The following STXBP6 variants were observed in gnomAD, a reference collection of about 807,000 sequenced individuals.
The protein encoded by STXBP6 is syntaxin-binding protein 6.
STXBP6 carries 21 observed loss-of-function variants against 26.9 expected under a neutral mutation model. The ratio of observed to expected loss-of-function variants is 0.78; its 90% CI spans 0.55 to 1.12. The LOEUF (loss-of-function observed/expected upper bound fraction) is 1.12. Among genes scored for constraint, STXBP6 ranks in the 50% most tolerant of loss-of-function variants. The pLI is 0.00. For missense variants in STXBP6, 232 were observed against 257.9 expected, an observed-to-expected ratio of 0.90 and a Z score of 0.69; for synonymous variants, 97 against 92.6, an observed-to-expected ratio of 1.05 and a Z score of -0.27.
intron 4 of STXBP6, among the ~76,000 whole-genome samples, chr14:24,839,136 C>T (rs1204812728): frequency 1.3e-5 from 2 of 152,110 alleles, no homozygotes; most frequent in Non-Finnish European, 2.9e-5. Context: ...GTTGCATTGT[C>T]TGTCCCCGCC....
chr14:24,847,577 A>T (rs1010948781), intron 4 of STXBP6, among the ~76,000 whole-genome samples: 1 of 152,204 alleles, frequency 6.6e-6, no homozygotes, highest in Non-Finnish European at 1.5e-5. Context: ...AGCATAATGC[A>T]GAATGCCTTT....
intron 2 of STXBP6, among the ~76,000 whole-genome samples, chr14:24,927,205 C>T (rs757957869): frequency 7.9e-5 from 12 of 152,138 alleles, no homozygotes; most frequent in South Asian, 2.1e-4. Context: ...AGGACTGATG[C>T]GTTGTGAGAG....
chr14:24,824,225 A>G (rs1180153865), intron 4 of STXBP6, among the ~76,000 whole-genome samples: 1 of 152,170 alleles, frequency 6.6e-6, no homozygotes, highest in Non-Finnish European at 1.5e-5. Context: ...GCTCCCTGAC[A>G]GCCTGGTCTC....
chr14:24,878,758 C>G, intron 2 of STXBP6: 1 of 450,464 alleles, frequency 2.2e-6, no homozygotes, highest in Non-Finnish European at 4.5e-6. Flanking sequence ...TCCTCATTAG[C>G]TGGTCTTCTC....
At chr14:24,947,804 T>C (rs113407438) in intron 2 of STXBP6, among the ~76,000 whole-genome samples, 154 of 152,330 alleles carry the variant, frequency 1.0e-3, no homozygotes, top group African/African-American at 3.6e-3. Context: ...AACAGTCTTC[T>C]TGAAAGGGAA....
chr14:24,987,709 G>A (rs1274805543), intron 1 of STXBP6, among the ~76,000 whole-genome samples: 1 of 152,234 alleles, frequency 6.6e-6, no homozygotes, highest in East Asian at 1.9e-4. Context: ...CCACTCCATA[G>A]GGAATGGCCA....
chr14:24,908,599 C>T (rs1198789535), intron 2 of STXBP6, among the ~76,000 whole-genome samples: 1 of 152,198 alleles, frequency 6.6e-6, no homozygotes, highest in East Asian at 1.9e-4. Flanking sequence ...TCAATTGCAT[C>T]AAACATTTTG....
Position 25,049,197 on chromosome 14 carries a change from A to G in STXBP6, c.-33+681T>C. The G allele has an allele frequency of 4.1e-6, 4 of 985,452 alleles. No homozygotes were observed. The highest frequency in any genetic ancestry group is 4.8e-6 in the Non-Finnish European group (4 of 829,970). The allele number at this position is 985,452 out of a possible 1,614,324, so 61.0% of individuals were successfully genotyped here. On this transcript the variant is annotated intron_variant, in intron 1 of 5. Coordinates refer to ENST00000323944, the MANE Select transcript of STXBP6 (RefSeq NM_001394410.1). This position sits in a 1 kb window ranked among gnomAD's most constrained non-coding sequence, Gnocchi z 5.6. ...TGAGGAAAGGTTGGAGGGAAAATCA[A>G]GCCACCCACCTACTCCAGCCACGTT...
intron 4 of STXBP6, among the ~76,000 whole-genome samples, chr14:24,821,862 C>CT (rs201055215): frequency 0.013 from 2,033 of 152,254 alleles, 18 homozygotes; most frequent in Middle Eastern, 0.027. Flanking sequence ...TTCCCTAAAT[C>CT]TTTAATATTT....
chr14:24,981,278 A>AT (rs11320433), intron 1 of STXBP6, among the ~76,000 whole-genome samples: 82 of 148,284 alleles, frequency 5.5e-4, no homozygotes, highest in South Asian at 3.6e-3. Flanking sequence ...GTATGTGAGT[A>AT]TTTTTTTTTT....
At chr14:24,885,777 T>C (rs914216502) in intron 2 of STXBP6, among the ~76,000 whole-genome samples, 1 of 152,222 alleles carries the variant, frequency 6.6e-6, no homozygotes, top group Non-Finnish European at 1.5e-5. Context: ...CTAAAGAACA[T>C]TGGCCATGTG....
intron 2 of STXBP6, among the ~76,000 whole-genome samples, chr14:24,972,969 T>C (rs1489626472): frequency 6.6e-6 from 1 of 151,938 alleles, no homozygotes; most frequent in Non-Finnish European, 1.5e-5. Flanking sequence ...AATACAAACA[T>C]CAGCTGGGCA....
rs961026191 is a variant in STXBP6, at chr14:24,861,746, T to C, written c.155-4589A>G. 5.9e-5 allele frequency among the ~76,000 whole-genome samples: 9 copies of C among 152,308 alleles called. 2 individuals are homozygous for C. Among genetic ancestry groups the C allele is most frequent in the Admixed American group, 3.9e-4 (6 of 15,292 alleles). ...GGAGCATGGTGCTCTCCACACAGGA[T>C]TGATCTTTTGCTTCTCACACTATTT... is the stretch of plus-strand genomic sequence containing the variant. On this transcript the variant is annotated intron_variant, in intron 2 of 5. Coordinates refer to ENST00000323944, the MANE Select transcript of STXBP6 (RefSeq NM_001394410.1).
chr14:24,950,299 C>T (rs1373586918), intron 2 of STXBP6, among the ~76,000 whole-genome samples: 4 of 152,220 alleles, frequency 2.6e-5, no homozygotes, highest in African/African-American at 7.2e-5. Context: ...TGAAGAGGTA[C>T]ATACTCTTCA....
intron 1 of STXBP6, among the ~76,000 whole-genome samples, chr14:24,997,274 A>G (rs1224057657): frequency 2.0e-5 from 3 of 152,202 alleles, no homozygotes; most frequent in Non-Finnish European, 4.4e-5. Context: ...TTGTACTTCC[A>G]AAACTCAAAC....
chr14:24,879,796 C>T (rs2070289853), intron 2 of STXBP6, among the ~76,000 whole-genome samples: 1 of 152,000 alleles, frequency 6.6e-6, no homozygotes, highest in African/African-American at 2.4e-5. Flanking sequence ...CCCCTGTGAA[C>T]AATAAAAAGC....
intron 1 of STXBP6, among the ~76,000 whole-genome samples, chr14:25,028,536 C>A (rs1595345493): frequency 6.6e-6 from 1 of 152,080 alleles, no homozygotes; most frequent in Admixed American, 6.5e-5. Context: ...CAAAATATTA[C>A]TGCTCATTGA....
At chr14:24,931,178 C>T (rs1366954287) in intron 2 of STXBP6, among the ~76,000 whole-genome samples, 1 of 114,036 alleles carries the variant, frequency 8.8e-6, no homozygotes, top group Non-Finnish European at 1.7e-5. Context: ...TAGGTGGGAA[C>T]TGAACAATGA....
chr14:24,983,110 G>A (rs748081171), intron 1 of STXBP6, among the ~76,000 whole-genome samples: 1 of 152,138 alleles, frequency 6.6e-6, no homozygotes, highest in Non-Finnish European at 1.5e-5. Context: ...CATAGTGAAG[G>A]CCAGGCTAGA....
Sources: gnomAD v4.1 joint callset for allele counts (sites outside exome capture counted in the v4.1 genomes callset) on GRCh38, gnomAD v4.1.1 for gene constraint, Gnocchi (gnomAD v3.1) non-coding constraint, MANE v1.5 for transcripts, NCBI Gene and HGNC (gene_info 2026-07-23, HGNC 2026-07-21) for gene names.